FAM184A: variants seen among roughly 807,000 people sequenced by gnomAD.
FAM184A encodes family with sequence similarity 184 member A.
A neutral mutation model predicts 143.8 loss-of-function variants in FAM184A; 99 were observed. The ratio of observed to expected loss-of-function variants is 0.69; its 90% CI spans 0.58 to 0.81. The LOEUF is 0.81. FAM184A is among the 40% of genes least tolerant of loss of function. The pLI is 0.00. For missense variants in FAM184A, 1,217 were observed against 1,310.5 expected, an observed-to-expected ratio of 0.93 and a Z score of 1.10; for synonymous variants, 427 against 446.4, an observed-to-expected ratio of 0.96 and a Z score of 0.55.
At chr6:119,135,305 A>G (rs1193517917) in intron 1 of FAM184A, among the ~76,000 whole-genome samples, 2 of 152,194 alleles carry the variant, frequency 1.3e-5, no homozygotes, top group African/African-American at 2.4e-5. Context: ...TCAATACCCA[A>G]TACAGAATGG....
At chr6:119,112,910 A>T (rs1235990156) in intron 1 of FAM184A, among the ~76,000 whole-genome samples, 1 of 152,240 alleles carries the variant, frequency 6.6e-6, no homozygotes, top group Non-Finnish European at 1.5e-5. Context: ...GAAAATCAGC[A>T]AAATGACCAA....
intron 1 of FAM184A, among the ~76,000 whole-genome samples, chr6:119,045,033 C>A (rs1786474668): frequency 6.6e-6 from 1 of 152,218 alleles, no homozygotes; most frequent in Non-Finnish European, 1.5e-5. Flanking sequence ...GTAAATACAA[C>A]CTACGCTTGC....
At chr6:118,995,838 A>G (rs1354884989) in intron 9 of FAM184A, among the ~76,000 whole-genome samples, 5 of 152,244 alleles carry the variant, frequency 3.3e-5, no homozygotes, top group Non-Finnish European at 7.3e-5. Flanking sequence ...ATTTGTTACT[A>G]TAATGCTGTC....
At chr6:119,061,525 A>ATTTTTTTTTTTTTTTTTTTTTTTTTTTTT (rs1476201793) in intron 1 of FAM184A, among the ~76,000 whole-genome samples, 1 of 51,578 alleles carries the variant, frequency 1.9e-5, no homozygotes. Flanking sequence ...CTGGCTAATT[A>ATTTTTTTTTTTTTTTTTTTTTTTTTTTTT]TTTTTCTTTT....
At chr6:118,969,570 C>T (rs1453499188) in intron 14 of FAM184A, among the ~76,000 whole-genome samples, 1 of 152,130 alleles carries the variant, frequency 6.6e-6, no homozygotes, top group Non-Finnish European at 1.5e-5. Flanking sequence ...CAATATTTTT[C>T]TTTTCTTCAG....
intron 2 of FAM184A, 61 bp downstream of exon 2, chr6:119,023,898 C>T (rs1785539896): frequency 1.4e-6 from 2 of 1,458,126 alleles, no homozygotes; most frequent in East Asian, 2.3e-5. Context: ...CTCCAGCCTA[C>T]AAAACAAATA....
intron 1 of FAM184A, among the ~76,000 whole-genome samples, chr6:119,133,081 T>C (rs1308798817): frequency 6.6e-6 from 1 of 152,168 alleles, no homozygotes; most frequent in Non-Finnish European, 1.5e-5. Context: ...TTATACTCAA[T>C]TGTGGATATT....
chr6:119,007,018 A>G (rs1784940579), intron 6 of FAM184A, among the ~76,000 whole-genome samples: 1 of 152,132 alleles, frequency 6.6e-6, no homozygotes, highest in African/African-American at 2.4e-5. Context: ...ATCTCCTGCT[A>G]TTTGCAAAGG....
chr6:119,020,006 T>C lies in FAM184A; in HGVS notation c.1304A>G (p.Gln435Arg), dbSNP rs759001964. 6.3e-6 allele frequency: 10 copies of C among 1,597,526 alleles called. No homozygotes were observed. In the African/African-American group the frequency reaches 1.2e-4, roughly 19 times the overall value. ...RSKTQSLDEE[Q>R]KQQILELEKK... is the part of the protein sequence containing the mutation. The stretch of plus-strand genomic sequence containing the variant: ...CTCCAGTTCTAGAATCTGTTGCTTC[T>C]GCTCTTCATCCAGACTTTGGGTTTT... Residue 435 changes from glutamine to arginine, a missense_variant, in exon 4 of 18, where the codon CAG becomes CGG. Physicochemically the swap from Gln to Arg is conservative, Grantham distance 43. Transcript: ENST00000338891.
intron 1 of FAM184A, among the ~76,000 whole-genome samples, chr6:119,094,387 A>G (rs1454193015): frequency 6.6e-6 from 1 of 150,584 alleles, no homozygotes; most frequent in East Asian, 2.1e-4. Flanking sequence ...CACAAAAGCC[A>G]GTCAATTCCA....
chr6:119,107,789 A>AG (rs1279396020), intron 1 of FAM184A, among the ~76,000 whole-genome samples: 3 of 126,972 alleles, frequency 2.4e-5, no homozygotes, highest in African/African-American at 8.6e-5. Context: ...AAAAAAAAAA[A>AG]AAAAAAGAAA....
intron 1 of FAM184A, among the ~76,000 whole-genome samples, chr6:119,119,917 G>A (rs1386174622): frequency 1.3e-5 from 2 of 152,196 alleles, no homozygotes; most frequent in Admixed American, 6.5e-5. Context: ...CCAGGAGGTC[G>A]AGGCTGCAGT....
chr6:118,961,671 G>A (rs1020778134), intron 17 of FAM184A, 90 bp downstream of exon 17: 17 of 1,037,380 alleles, frequency 1.6e-5, no homozygotes, highest in Non-Finnish European at 2.4e-5. Flanking sequence ...TTCTTAGGTT[G>A]TTCTTAAAGT....
chr6:119,075,711 T>C (rs1197328081), intron 1 of FAM184A, among the ~76,000 whole-genome samples: 5 of 152,340 alleles, frequency 3.3e-5, no homozygotes, highest in Non-Finnish European at 5.9e-5. Context: ...TCTGCTAATA[T>C]GAATAAACTC....
chr6:118,978,662 C>G (rs1783920139), intron 11 of FAM184A, among the ~76,000 whole-genome samples: 1 of 152,104 alleles, frequency 6.6e-6, no homozygotes, highest in Admixed American at 6.5e-5. Flanking sequence ...CTTTGAGGCC[C>G]AAAATATTGA....
chr6:118,983,253 C>T (rs1225722911), intron 9 of FAM184A, among the ~76,000 whole-genome samples: 2 of 152,102 alleles, frequency 1.3e-5, no homozygotes, highest in South Asian at 2.1e-4. Context: ...ATGAAAAGTA[C>T]ATGGCACTTT....
chr6:119,069,979 T>TA (rs1787621127), intron 1 of FAM184A, among the ~76,000 whole-genome samples: 1 of 152,138 alleles, frequency 6.6e-6, no homozygotes, highest in Non-Finnish European at 1.5e-5. Context: ...ATGGTACATG[T>TA]AAATAAGGAA....
At chr6:119,042,801 C>T (rs1242738290) in intron 1 of FAM184A, among the ~76,000 whole-genome samples, 1 of 152,124 alleles carries the variant, frequency 6.6e-6, no homozygotes, top group Non-Finnish European at 1.5e-5. Context: ...TAACATATCA[C>T]TCTACTACAC....
chr6:118,973,379 A>G (rs948360108), intron 14 of FAM184A, among the ~76,000 whole-genome samples: 1 of 152,212 alleles, frequency 6.6e-6, no homozygotes, highest in Non-Finnish European at 1.5e-5. Context: ...CGGCAACAAC[A>G]CAGGAGGTTA....
Sources: allele counts gnomAD v4.1 joint callset (sites outside exome capture counted in the v4.1 genomes callset), GRCh38; gene constraint gnomAD v4.1.1; transcripts MANE v1.5; gene names NCBI Gene and HGNC (gene_info 2026-07-23, HGNC 2026-07-21).